The following NPAS3 variants were observed in gnomAD, a reference collection of about 807,000 sequenced individuals.
The protein encoded by NPAS3 is neuronal PAS domain-containing protein 3.
A neutral mutation model predicts 73.1 loss-of-function variants in NPAS3; 14 were observed. The observed-to-expected ratio is 0.19, with a 90% confidence interval of 0.13 to 0.30. The LOEUF is 0.30. NPAS3 is among the 10% of genes least tolerant of loss of function. NPAS3 has a pLI of 1.00. For synonymous variants in NPAS3, 620 were observed against 541.5 expected (o/e 1.14, Z -2.01); for missense variants, 1,096 against 1,250.0 (o/e 0.88, Z 1.86).
intron 6 of NPAS3, among the ~76,000 whole-genome samples, chr14:33,696,004 TTTC>T (rs1169341831): frequency 6.6e-6 from 1 of 152,204 alleles, no homozygotes; most frequent in Non-Finnish European, 1.5e-5. Context: ...GAAATATTAC[TTTC>T]TTTTCTTCTC....
intron 1 of NPAS3, among the ~76,000 whole-genome samples, chr14:32,969,742 A>C (rs573584749): frequency 5.8e-4 from 89 of 152,270 alleles, no homozygotes; most frequent in African/African-American, 2.0e-3. Context: ...CTTTGTAAAA[A>C]TCCTGGCCTG....
intron 3 of NPAS3, among the ~76,000 whole-genome samples, chr14:33,300,798 T>C (rs948919098): frequency 1.5e-4 from 23 of 152,042 alleles, no homozygotes. Context: ...CTACTAGACA[T>C]CTGTTAGGGA....
At chr14:33,582,226 G>A (rs1297709560) in intron 5 of NPAS3, 6 of 152,104 alleles carry the variant, frequency 3.9e-5, no homozygotes, top group Admixed American at 6.5e-5. Flanking sequence ...TACCCTTAAC[G>A]GAACTGCATT....
chr14:33,633,589 A>G (rs970840613), intron 5 of NPAS3, among the ~76,000 whole-genome samples: 2 of 152,190 alleles, frequency 1.3e-5, no homozygotes, highest in African/African-American at 2.4e-5. Context: ...CTTTAACACA[A>G]TGGTAAGTAT....
chr14:33,034,076 C>T (rs2040083932), intron 1 of NPAS3, among the ~76,000 whole-genome samples: 1 of 151,936 alleles, frequency 6.6e-6, no homozygotes, highest in African/African-American at 2.4e-5. Flanking sequence ...TTTATGTTTA[C>T]TTAATGGAGA....
At chr14:33,340,867 T>C (rs1035906431) in intron 3 of NPAS3, among the ~76,000 whole-genome samples, 1 of 152,372 alleles carries the variant, frequency 6.6e-6, no homozygotes, top group African/African-American at 2.4e-5. Context: ...AGTTTTATTC[T>C]TGTGATCTTA....
At chr14:33,527,696 C>T (rs540856916) in intron 4 of NPAS3, among the ~76,000 whole-genome samples, 2 of 152,236 alleles carry the variant, frequency 1.3e-5, no homozygotes, top group South Asian at 4.1e-4. Context: ...AATCTGCTTT[C>T]CCACTGGTTG....
intron 5 of NPAS3, among the ~76,000 whole-genome samples, chr14:33,636,903 G>GCACACACAAACACACACACA (rs2058535482): frequency 6.7e-6 from 1 of 149,174 alleles, no homozygotes; most frequent in African/African-American, 2.5e-5. Flanking sequence ...CTCGGAGTGT[G>GCACACACAAACACACACACA]CACACACACA....
At position 33,377,338 on chromosome 14, in the gene NPAS3, G is replaced by A. The variant is rs1011089335; in HGVS notation, c.468+10070G>A. ...GCCATTACTCTCCTTATCTTATTAC[G>A]TGACCTCCTCAACTTGCTCAGAAAA... On this transcript the variant is annotated intron_variant, in intron 4 of 11. Coordinates refer to ENST00000356141, the Ensembl canonical transcript of NPAS3. 7.2e-5 allele frequency among the ~76,000 whole-genome samples: 11 copies of A among 152,214 alleles called. No homozygotes were observed. The East Asian group carries it at 7.7e-4, about 11-fold the overall frequency.
chr14:33,593,022 G>A (rs2057123043), intron 5 of NPAS3, among the ~76,000 whole-genome samples: 1 of 152,046 alleles, frequency 6.6e-6, no homozygotes, highest in East Asian at 1.9e-4. Context: ...TAAAGCTTGT[G>A]TGACTTCCTG....
chr14:33,564,997 A>C (rs2055855535), intron 5 of NPAS3, among the ~76,000 whole-genome samples: 1 of 152,102 alleles, frequency 6.6e-6, no homozygotes, highest in African/African-American at 2.4e-5. Context: ...TTTCTCACCA[A>C]GTCCTCACCC....
At chr14:33,661,754 C>T (rs2140276956) in intron 5 of NPAS3, among the ~76,000 whole-genome samples, 2 of 152,320 alleles carry the variant, frequency 1.3e-5, no homozygotes, top group African/African-American at 4.8e-5. Context: ...ATTACATATT[C>T]ATTTTCAAAT....
At chr14:33,544,276 G>T (rs2054677701) in intron 4 of NPAS3, among the ~76,000 whole-genome samples, 1 of 151,876 alleles carries the variant, frequency 6.6e-6, no homozygotes, top group African/African-American at 2.4e-5. Context: ...CCAAAGCACT[G>T]GGATTATAGG....
chr14:33,412,308 C>T (rs540735878), intron 4 of NPAS3, among the ~76,000 whole-genome samples: 49 of 152,022 alleles, frequency 3.2e-4, no homozygotes, highest in Middle Eastern at 3.4e-3. Flanking sequence ...TTTGTAGAGA[C>T]GGGGTTTCAC....
chr14:33,284,592 CA>C (rs1438480084), intron 3 of NPAS3, among the ~76,000 whole-genome samples: 2 of 152,002 alleles, frequency 1.3e-5, no homozygotes, highest in Admixed American at 1.3e-4. Flanking sequence ...AAATTACTGG[CA>C]GAAGACAACT....
At chr14:33,784,741 ATTTAT>A (rs1445742971) in intron 9 of NPAS3, among the ~76,000 whole-genome samples, 66 of 72,776 alleles carry the variant, frequency 9.1e-4, no homozygotes, top group Non-Finnish European at 1.3e-3. Context: ...TTATTTATTT[ATTTAT>A]TTTTTTTTTT....
chr14:33,691,999 G>A (rs931390048), intron 6 of NPAS3, among the ~76,000 whole-genome samples: 3 of 152,136 alleles, frequency 2.0e-5, no homozygotes, highest in African/African-American at 7.2e-5. Flanking sequence ...TGATTTGGTA[G>A]CAATTCAATT....
intron 5 of NPAS3, among the ~76,000 whole-genome samples, chr14:33,598,047 T>G (rs1053343362): frequency 6.6e-6 from 1 of 152,180 alleles, no homozygotes; most frequent in African/African-American, 2.4e-5. Flanking sequence ...GTCAGGTTCT[T>G]TCTAATGCTG....
chr14:33,072,349 G>A (rs2041514654), intron 2 of NPAS3, among the ~76,000 whole-genome samples: 1 of 152,218 alleles, frequency 6.6e-6, no homozygotes, highest in Non-Finnish European at 1.5e-5. Context: ...AACTTCAGTT[G>A]TTCTAGTATT....
Sources: allele counts gnomAD v4.1 joint callset (sites outside exome capture counted in the v4.1 genomes callset), GRCh38; gene constraint gnomAD v4.1.1; transcripts MANE v1.5; gene names NCBI Gene and HGNC (gene_info 2026-07-23, HGNC 2026-07-21).